The following ERG variants were observed in gnomAD, a reference collection of about 807,000 sequenced individuals.
ERG encodes the protein ETS transcription factor ERG, also known as transcriptional regulator ERG.
In ERG, 9 loss-of-function variants were observed where a neutral mutation model predicts 55.3. That is an observed-to-expected ratio of 0.16 (90% CI 0.10 to 0.28). ERG has a LOEUF of 0.28. Among genes scored for constraint, ERG ranks in the 10% least tolerant of loss-of-function variants. The probability of loss-of-function intolerance (pLI) is 1.00; values close to 1 mark genes in which losing one functional copy is unlikely to be tolerated. For missense variants in ERG, 434 were observed against 631.6 expected (o/e 0.69, Z 3.35); for synonymous variants, 223 against 237.3 (o/e 0.94, Z 0.55).
At chr21:38,413,702 C>T (rs559679665) in intron 3 of ERG, among the ~76,000 whole-genome samples, 4 of 149,818 alleles carry the variant, frequency 2.7e-5, no homozygotes, top group African/African-American at 9.8e-5. Flanking sequence ...GGATAATGAT[C>T]GTTATTGTTC....
chr21:38,379,541 C>T (rs1987334701), downstream of ERG, among the ~76,000 whole-genome samples: 1 of 152,098 alleles, frequency 6.6e-6, no homozygotes. Flanking sequence ...TAACATGCTT[C>T]CTGCAGAAGT....
chr21:38,480,591 C>CT (rs544037525), intron 1 of ERG, among the ~76,000 whole-genome samples: 1,914 of 51,002 alleles, frequency 0.038, 109 homozygotes, highest in Middle Eastern at 0.17. Context: ...ACTATATGGC[C>CT]TTTTTTTTTT....
chr21:38,444,091 C>T (rs2058866733), intron 2 of ERG, among the ~76,000 whole-genome samples: 1 of 152,204 alleles, frequency 6.6e-6, no homozygotes, highest in African/African-American at 2.4e-5. Context: ...TGACTTGGCA[C>T]CTTCATTAAC....
intron 1 of ERG, among the ~76,000 whole-genome samples, chr21:38,477,502 G>A (rs1023408598): frequency 2.0e-5 from 3 of 152,078 alleles, no homozygotes. Flanking sequence ...GTAACCAGTC[G>A]AGTTAACCAA....
chr21:38,389,340 A>G (rs1013926116), intron 9 of ERG, among the ~76,000 whole-genome samples: 6 of 152,124 alleles, frequency 3.9e-5, no homozygotes, highest in Non-Finnish European at 8.8e-5. Context: ...CAGGGCTGTT[A>G]TGAGACACAG....
chr21:38,622,532 T>C (rs1011258985), intron 1 of ERG, among the ~76,000 whole-genome samples: 5 of 136,410 alleles, frequency 3.7e-5, no homozygotes, highest in East Asian at 2.4e-4. Context: ...ACACATCACA[T>C]ACACACCATA....
At chr21:38,406,435 T>C (rs1040559082) in intron 3 of ERG, among the ~76,000 whole-genome samples, 6 of 152,160 alleles carry the variant, frequency 3.9e-5, no homozygotes, top group African/African-American at 1.2e-4. Flanking sequence ...TCTTTTTTCA[T>C]GACATGTCAG....
chr21:38,571,123 A>C (rs1365492173), intron 2 of ERG, among the ~76,000 whole-genome samples: 2 of 152,212 alleles, frequency 1.3e-5, no homozygotes, highest in African/African-American at 4.8e-5. Flanking sequence ...ATCTGGGTGC[A>C]TCTTTGGTTG....
intron 2 of ERG, among the ~76,000 whole-genome samples, chr21:38,526,947 C>G (rs1289556173): frequency 6.6e-6 from 1 of 152,186 alleles, no homozygotes; most frequent in Non-Finnish European, 1.5e-5. Context: ...AATCCCAGTT[C>G]TGCAAGTAAT....
chr21:38,606,705 A>G (rs931585007), intron 1 of ERG, among the ~76,000 whole-genome samples: 1 of 152,216 alleles, frequency 6.6e-6, no homozygotes, highest in Admixed American at 6.5e-5. Context: ...AACTGAAGAC[A>G]AATTCCAGAA....
At chr21:38,620,202 G>A (rs2060281995) in intron 1 of ERG, among the ~76,000 whole-genome samples, 1 of 152,178 alleles carries the variant, frequency 6.6e-6, no homozygotes, top group African/African-American at 2.4e-5. Context: ...CTGCTGTTTG[G>A]CTCTTTGTTC....
intron 2 of ERG, among the ~76,000 whole-genome samples, chr21:38,443,916 A>C (rs2836402): frequency 0.46 from 69,600 of 152,022 alleles, 16,756 homozygotes; most frequent in East Asian, 0.64. Flanking sequence ...AGTTCCACTT[A>C]AAGGACCAGT....
chr21:38,417,086 C>T (rs1989313214), intron 3 of ERG, among the ~76,000 whole-genome samples: 2 of 152,204 alleles, frequency 1.3e-5, no homozygotes, highest in African/African-American at 4.8e-5. Flanking sequence ...CTACTTACCC[C>T]ACATGGGTGG....
intron 1 of ERG, among the ~76,000 whole-genome samples, chr21:38,630,459 G>A (rs1298226223): frequency 6.6e-6 from 1 of 152,128 alleles, no homozygotes; most frequent in East Asian, 1.9e-4. Context: ...CAACAGGGAG[G>A]TGGGAGGAGG....
chr21:38,418,876 G>A (rs1333593610), intron 3 of ERG, among the ~76,000 whole-genome samples: 2 of 144,144 alleles, frequency 1.4e-5, no homozygotes, highest in Non-Finnish European at 3.0e-5. Flanking sequence ...GCAGTGAGCT[G>A]AGATCCTGCC....
At chr21:38,487,007 C>T (rs1212074762) in intron 1 of ERG, among the ~76,000 whole-genome samples, 1 of 152,094 alleles carries the variant, frequency 6.6e-6, no homozygotes, top group South Asian at 2.1e-4. Flanking sequence ...AAGTGAAAGG[C>T]GTGGTGGGAC....
the ERG span, among the ~76,000 whole-genome samples, chr21:38,372,012 G>A: frequency 6.6e-6 from 1 of 151,980 alleles, no homozygotes; most frequent in Non-Finnish European, 1.5e-5. Flanking sequence ...TATGAATTCA[G>A]TTTCTTTAAT....
At chr21:38,455,942 TAAG>T (rs968615632) in intron 1 of ERG, among the ~76,000 whole-genome samples, 23 of 151,114 alleles carry the variant, frequency 1.5e-4, no homozygotes, top group Middle Eastern at 3.4e-3. Context: ...ATGGGCACTT[TAAG>T]AAGAAGCCGC....
chr21:38,574,838 T>C (rs1158965795), intron 2 of ERG, among the ~76,000 whole-genome samples: 1 of 152,220 alleles, frequency 6.6e-6, no homozygotes, highest in East Asian at 1.9e-4. Context: ...GTCAATTACT[T>C]TGGCCAGCAT....
Sources: gnomAD v4.1 joint callset for allele counts (sites outside exome capture counted in the v4.1 genomes callset) on GRCh38, gnomAD v4.1.1 for gene constraint, MANE v1.5 for transcripts, NCBI Gene and HGNC (gene_info 2026-07-23, HGNC 2026-07-21) for gene names.